The following CTNND1 variants were observed in gnomAD, a reference collection of about 807,000 sequenced individuals.
CTNND1 encodes the protein catenin delta 1.
In CTNND1, 16 loss-of-function variants were observed where a neutral mutation model predicts 112.1. That is an observed-to-expected ratio of 0.14 (90% CI 0.10 to 0.22). The LOEUF (loss-of-function observed/expected upper bound fraction) is 0.22, where lower values mean the gene tolerates loss of function less well. Among genes scored for constraint, CTNND1 ranks in the 10% least tolerant of loss-of-function variants. The pLI, the probability that CTNND1 is intolerant of heterozygous loss-of-function variation, is 1.00. For missense variants in CTNND1, 1,008 were observed against 1,257.0 expected (o/e 0.80, Z 3.00); for synonymous variants, 420 against 446.5 (o/e 0.94, Z 0.75).
chr11:57,806,895 G>A lies in CTNND1; in HGVS notation c.1895-20G>A, dbSNP rs199740426. The A allele has an allele frequency of 8.0e-5, 126 of 1,574,646 alleles. No homozygotes were observed. In the African/African-American group the frequency reaches 1.3e-3, roughly 17 times the overall value. On this transcript the variant is annotated intron_variant, in intron 11 of 20. Coordinates refer to ENST00000399050, the MANE Select transcript of CTNND1 (RefSeq NM_001085458.2). ...TTTAAACTGGCTTACCCCTTTTCCC[G>A]CCCTTTTTCATTTTTGTAGGGAAAA...
At chr11:57,791,315 G>C in intron 2 of CTNND1, 70 bp from the exon 3 acceptor site, 1 of 1,233,950 alleles carries the variant, frequency 8.1e-7, no homozygotes, top group Non-Finnish European at 1.0e-6. Context: ...TTTGGCTCTG[G>C]GATTAATAAT....
chr11:57,782,554 T>C (rs151065448), intron 1 of CTNND1, among the ~76,000 whole-genome samples: 42 of 152,324 alleles, frequency 2.8e-4, no homozygotes, highest in Admixed American at 7.2e-4. Context: ...AACAGCTGGA[T>C]TGGTTATGGC....
chr11:57,794,646 G>A (rs1329023768), intron 4 of CTNND1, among the ~76,000 whole-genome samples: 3 of 151,688 alleles, frequency 2.0e-5, no homozygotes, highest in Non-Finnish European at 4.4e-5. Flanking sequence ...TTAGTCAGGC[G>A]TGGTGGCACA....
At chr11:57,768,386 C>G (rs1477206400) in intron 1 of CTNND1, among the ~76,000 whole-genome samples, 1 of 40,282 alleles carries the variant, frequency 2.5e-5, no homozygotes, top group African/African-American at 7.8e-5. Flanking sequence ...GGACATCATC[C>G]TTTTTTTTTT....
At chr11:57,807,293 G>C (rs1371138493) in intron 12 of CTNND1, among the ~76,000 whole-genome samples, 1 of 152,158 alleles carries the variant, frequency 6.6e-6, no homozygotes, top group Non-Finnish European at 1.5e-5. Flanking sequence ...ACTATTAAAA[G>C]AGGCTTCTTT....
intron 1 of CTNND1, among the ~76,000 whole-genome samples, chr11:57,775,626 T>C (rs1348526407): frequency 6.6e-6 from 1 of 152,052 alleles, no homozygotes; most frequent in Non-Finnish European, 1.5e-5. Flanking sequence ...GAAATTTAGC[T>C]GGACAATTTG....
chr11:57,785,002 A>T (rs1263362269), intron 1 of CTNND1, among the ~76,000 whole-genome samples: 1 of 152,232 alleles, frequency 6.6e-6, no homozygotes, highest in East Asian at 1.9e-4. Flanking sequence ...GGAAGCTTAC[A>T]GGGGTTATAA....
intron 18 of CTNND1, among the ~76,000 whole-genome samples, chr11:57,814,925 A>G (rs748443715): frequency 1.1e-4 from 16 of 151,930 alleles, no homozygotes; most frequent in Non-Finnish European, 1.8e-4. Flanking sequence ...TAGCTTTATT[A>G]TGTCATATTC....
chr11:57,811,257 C>G, intron 16 of CTNND1, 142 bp from the exon 17 acceptor site: 1 of 616,712 alleles, frequency 1.6e-6, no homozygotes, highest in South Asian at 2.2e-5. Flanking sequence ...GTCTCACTGT[C>G]TAGGGTATTT....
At chr11:57,805,260 T>C (rs2137250763) in intron 9 of CTNND1, among the ~76,000 whole-genome samples, 1 of 152,118 alleles carries the variant, frequency 6.6e-6, no homozygotes, top group East Asian at 1.9e-4. Context: ...GTTTGTTTGT[T>C]TTTTTGAGAT....
intron 9 of CTNND1, among the ~76,000 whole-genome samples, chr11:57,805,142 C>A (rs866274519): frequency 6.6e-6 from 1 of 151,958 alleles, no homozygotes; most frequent in South Asian, 2.1e-4. Context: ...CACGTGATCC[C>A]CCTGCCTCAG....
At position 57,803,659 on chromosome 11, in the gene CTNND1, A is replaced by T; in HGVS notation, c.1459A>T (p.Met487Leu). 3 of 1,612,804 alleles carry T rather than the reference A, an allele frequency of 1.9e-6. No homozygotes were observed. The highest frequency in any genetic ancestry group is 2.5e-6 in the Non-Finnish European group (3 of 1,179,530). ...WNLSSHDSIK[M>L]EIVDHALHAL... Reference sequence around the variant, plus strand: ...TCTTTCATCCCATGACTCAATCAAAATGGAGATTGTGGACCATGCACTGCA... The same window carrying T: ...TCTTTCATCCCATGACTCAATCAAATTGGAGATTGTGGACCATGCACTGCA... The change falls in exon 8 of 21, where the codon ATG becomes TTG. Residue 487 changes from methionine (M) to leucine (L), a missense_variant. By Grantham distance (15) the Met-to-Leu change is conservative (BLOSUM62 2). Transcript: ENST00000399050.
intron 1 of CTNND1, among the ~76,000 whole-genome samples, chr11:57,782,337 G>A (rs2059666253): frequency 6.6e-6 from 1 of 152,114 alleles, no homozygotes. Context: ...ATGAAAATAA[G>A]ACTTCTTTGG....
chr11:57,770,429 C>T (rs1015972731), intron 1 of CTNND1, among the ~76,000 whole-genome samples: 6 of 151,516 alleles, frequency 4.0e-5, no homozygotes, highest in Admixed American at 2.6e-4. Context: ...CCGAGGCAGG[C>T]GGATCACGAG....
At chr11:57,804,343 C>T (rs2062381847) in intron 8 of CTNND1, among the ~76,000 whole-genome samples, 2 of 152,108 alleles carry the variant, frequency 1.3e-5, no homozygotes, top group Non-Finnish European at 1.5e-5. Flanking sequence ...GCTATATAAT[C>T]TTTCTCTCTT....
rs192269353 is a variant in CTNND1, at chr11:57,791,181, T to A, written c.-94-204T>A. Among the ~76,000 whole-genome samples, 4 of 152,324 alleles carry A rather than the reference T, an allele frequency of 2.6e-5. No individual in the cohort carries two copies. In the East Asian group the frequency reaches 7.7e-4, roughly 29 times the overall value. On this transcript the variant is annotated intron_variant, in intron 2 of 20. Transcript: ENST00000399050. ...TTGCACCTTTCCTTTCAATAGTTAT[T>A]TCTGGTGGGATGTTGAAGAAAGCTA...
At position 57,796,344 on chromosome 11, in the gene CTNND1, G is replaced by C. The variant is rs570276987; in HGVS notation, c.421-113G>C. On this transcript the variant is annotated intron_variant, in intron 5 of 20. Transcript: ENST00000399050. ...GAGGTTGCAGGTGAGCCGAGATCACGCCATTGCACTCCAGCCAGGGCAACA... is the reference window on the plus strand; with the variant it reads ...GAGGTTGCAGGTGAGCCGAGATCACCCCATTGCACTCCAGCCAGGGCAACA... The C allele has an allele frequency of 1.2e-4, 121 of 1,010,026 alleles. No homozygotes were observed. The African/African-American group carries it at 1.8e-3, about 15-fold the overall frequency. 62.6% of individuals were successfully genotyped at this position (1,010,026 alleles called of 1,614,324 possible).
intron 17 of CTNND1, among the ~76,000 whole-genome samples, chr11:57,812,671 C>T (rs1430716191): frequency 1.3e-5 from 2 of 152,010 alleles, no homozygotes; most frequent in Admixed American, 6.6e-5. Context: ...TTAGACTAGC[C>T]ACTTTTTAAT....
At chr11:57,762,212 CG>C in intron 1 of CTNND1, 93 bp downstream of exon 1, 1 of 535,982 alleles carries the variant, frequency 1.9e-6, no homozygotes, top group Non-Finnish European at 2.4e-6. Flanking sequence ...AGTACTTTGG[CG>C]GGGGAGATTT....
Sources: gnomAD v4.1 joint callset for allele counts (sites outside exome capture counted in the v4.1 genomes callset) on GRCh38, gnomAD v4.1.1 for gene constraint, MANE v1.5 for transcripts, NCBI Gene and HGNC (gene_info 2026-07-23, HGNC 2026-07-21) for gene names.